The following VCL variants were observed in gnomAD, a reference collection of about 807,000 sequenced individuals.
VCL encodes vinculin.
VCL carries 47 observed loss-of-function variants against 125.7 expected under a neutral mutation model. That is an observed-to-expected ratio of 0.37 (90% CI 0.30 to 0.48). The LOEUF (loss-of-function observed/expected upper bound fraction) is 0.48. Ranked by LOEUF, VCL falls within the 20% of genes least tolerant of loss-of-function variation. The pLI is 0.99. For missense variants in VCL, 1,069 were observed against 1,455.5 expected, an observed-to-expected ratio of 0.73 and a Z score of 4.32; for synonymous variants, 458 against 514.6, an observed-to-expected ratio of 0.89 and a Z score of 1.49.
intron 19 of VCL, 126 bp downstream of exon 19, chr10:74,112,238 T>C: frequency 8.2e-7 from 1 of 1,218,290 alleles, no homozygotes; most frequent in Non-Finnish European, 1.2e-6. Context: ...CATCTGTCTG[T>C]CTGCACCATG....
rs1244799500 is a variant in VCL, at chr10:74,114,221, T to G, written c.2987T>G (p.Leu996Arg). The G allele has an allele frequency of 6.2e-7, 1 of 1,613,976 alleles. No homozygotes were observed. Among genetic ancestry groups the G allele is most frequent in the Non-Finnish European group, 8.5e-7 (1 of 1,180,026 alleles). ...ATTGCAGCAGCCAAGCGCATGGCTC[T>G]GCTGATGGCTGAGATGTCTCGGCTG... ...DIIAAAKRMA[L>R]LMAEMSRLVR... Residue 996 changes from leucine (L) to arginine (R), a missense_variant, in exon 20 of 22, where the codon CTG becomes CGG. By Grantham distance (102) the Leu-to-Arg change is moderately radical. Coordinates refer to ENST00000211998, the MANE Select transcript of VCL (RefSeq NM_014000.3).
At chr10:74,106,227 G>T (rs927239574) in intron 16 of VCL, among the ~76,000 whole-genome samples, 1 of 152,120 alleles carries the variant, frequency 6.6e-6, no homozygotes, top group African/African-American at 2.4e-5. Flanking sequence ...TCTTAATATG[G>T]TCTGGCTAAA....
At chr10:74,060,157 T>TA (rs149991481) in intron 2 of VCL, among the ~76,000 whole-genome samples, 4,476 of 151,856 alleles carry the variant, frequency 0.029, 152 homozygotes, top group Admixed American at 0.11. Context: ...AATAAAAAAT[T>TA]ATCTGGGCAT....
At chr10:74,021,834 C>CT (rs200000454) in intron 1 of VCL, among the ~76,000 whole-genome samples, 62 of 151,808 alleles carry the variant, frequency 4.1e-4, no homozygotes, top group South Asian at 1.5e-3. Context: ...CATTCCTCTT[C>CT]TTTTTTTTTC....
intron 2 of VCL, among the ~76,000 whole-genome samples, chr10:74,057,306 C>T (rs74496529): frequency 0.028 from 4,307 of 152,100 alleles, 208 homozygotes; most frequent in African/African-American, 0.098. Flanking sequence ...TTGATAGAGG[C>T]AGTACTTCCT....
intron 8 of VCL, among the ~76,000 whole-genome samples, chr10:74,088,424 G>T (rs567029399): frequency 6.6e-6 from 1 of 152,156 alleles, no homozygotes; most frequent in Non-Finnish European, 1.5e-5. Context: ...AGCTAGTTTC[G>T]ATTATTTATA....
chr10:74,004,074 G>A (rs1840276266), intron 1 of VCL, among the ~76,000 whole-genome samples: 1 of 152,100 alleles, frequency 6.6e-6, no homozygotes, highest in South Asian at 2.1e-4. Context: ...GTAATTATCA[G>A]TATTAACATC....
intron 1 of VCL, among the ~76,000 whole-genome samples, chr10:74,039,644 G>C (rs1356411884): frequency 6.6e-6 from 1 of 152,052 alleles, no homozygotes; most frequent in Non-Finnish European, 1.5e-5. Context: ...AAATTAGCTA[G>C]GCGTGGTGTC....
At chr10:74,072,891 A>G (rs541471792) in intron 5 of VCL, 39 bp downstream of exon 5, 4 of 1,612,528 alleles carry the variant, frequency 2.5e-6, no homozygotes, top group Non-Finnish European at 1.7e-6. Context: ...GGGGGGAAAA[A>G]TGTTAGCATG....
intron 2 of VCL, among the ~76,000 whole-genome samples, chr10:74,069,041 TG>T (rs1266988509): frequency 1.3e-5 from 2 of 151,950 alleles, no homozygotes; most frequent in African/African-American, 2.4e-5. Context: ...TACTGCCTTA[TG>T]TTTTTTTTTT....
chr10:74,071,163 T>G lies in VCL; in HGVS notation c.499+80T>G. On this transcript the variant is annotated intron_variant, in intron 4 of 21. Transcript: ENST00000211998. This position sits in a 1 kb window ranked among gnomAD's most constrained non-coding sequence, Gnocchi z 4.1. ...AAAGGAAAGGGTACCCTCTTCCTAC[T>G]TTTTGCAGAAGATAGGTGAAGATGC... 1 of 1,375,768 alleles carries G rather than the reference T, an allele frequency of 7.3e-7. No individual in the cohort carries two copies. The highest frequency in any genetic ancestry group is 1.4e-5 in the African/African-American group (1 of 69,438). The allele number at this position is 1,375,768 out of a possible 1,614,324, so 85.2% of individuals were successfully genotyped here.
chr10:74,034,064 G>A (rs1840930285), intron 1 of VCL, among the ~76,000 whole-genome samples: 1 of 152,130 alleles, frequency 6.6e-6, no homozygotes, highest in Non-Finnish European at 1.5e-5. Flanking sequence ...TTGGTACATT[G>A]CATGTTATGT....
chr10:74,059,014 T>G (rs1841432468), intron 2 of VCL, among the ~76,000 whole-genome samples: 1 of 152,100 alleles, frequency 6.6e-6, no homozygotes, highest in African/African-American at 2.4e-5. Flanking sequence ...GTGCTGAACT[T>G]CTCAAGGCAG....
chr10:74,041,220 A>G (rs1174569402), intron 1 of VCL, among the ~76,000 whole-genome samples: 1 of 152,078 alleles, frequency 6.6e-6, no homozygotes, highest in Non-Finnish European at 1.5e-5. Flanking sequence ...AGTAGGACTG[A>G]CATATTTTCC....
intron 1 of VCL, among the ~76,000 whole-genome samples, chr10:74,004,066 A>G (rs1248714400): frequency 6.6e-6 from 1 of 152,162 alleles, no homozygotes; most frequent in Non-Finnish European, 1.5e-5. Context: ...TGTCATTTGT[A>G]ATTATCAGTA....
chr10:74,033,575 T>C (rs910051543), intron 1 of VCL, among the ~76,000 whole-genome samples: 1 of 152,200 alleles, frequency 6.6e-6, no homozygotes, highest in African/African-American at 2.4e-5. Flanking sequence ...CTATCTCTGA[T>C]ATTTTCTTTC....
At chr10:74,028,560 C>A (rs1463274620) in intron 1 of VCL, among the ~76,000 whole-genome samples, 3 of 151,732 alleles carry the variant, frequency 2.0e-5, no homozygotes, top group African/African-American at 7.3e-5. Context: ...CCATGCCCAA[C>A]TAATTTTTGT....
chr10:74,024,656 T>A (rs1840738821), intron 1 of VCL, among the ~76,000 whole-genome samples: 1 of 152,106 alleles, frequency 6.6e-6, no homozygotes, highest in African/African-American at 2.4e-5. Flanking sequence ...CATTTCAAGT[T>A]TTCATCACAC....
chr10:74,019,007 T>C (rs1237698508), intron 1 of VCL, among the ~76,000 whole-genome samples: 1 of 152,200 alleles, frequency 6.6e-6, no homozygotes, highest in African/African-American at 2.4e-5. Flanking sequence ...TCTACAGAAC[T>C]TTCTCTTCTT....
Sources: gnomAD v4.1 joint callset for allele counts (sites outside exome capture counted in the v4.1 genomes callset) on GRCh38, gnomAD v4.1.1 for gene constraint, Gnocchi (gnomAD v3.1) non-coding constraint, MANE v1.5 for transcripts, NCBI Gene and HGNC (gene_info 2026-07-23, HGNC 2026-07-21) for gene names.